RELN: variants seen among roughly 807,000 people sequenced by gnomAD.
RELN encodes the protein reelin.
Under a neutral mutation model 427.6 loss-of-function variants are expected in RELN, and 108 were observed. That is an observed-to-expected ratio of 0.25 (90% confidence interval 0.22 to 0.30). The LOEUF is 0.30. Ranked by LOEUF, RELN falls within the 10% of genes least tolerant of loss-of-function variation. The probability of loss-of-function intolerance (pLI) is 1.00; values close to 1 mark genes in which losing one functional copy is unlikely to be tolerated. For synonymous variants in RELN, 1,524 were observed against 1,513.4 expected, an observed-to-expected ratio of 1.01 and a Z score of -0.16; for missense variants, 3,715 against 4,302.8, an observed-to-expected ratio of 0.86 and a Z score of 3.82.
chr7:103,774,114 G>A (rs1791675881), intron 4 of RELN, among the ~76,000 whole-genome samples: 1 of 151,862 alleles, frequency 6.6e-6, no homozygotes, highest in Admixed American at 6.6e-5. Context: ...TGGCCAACAT[G>A]GTGAAACCTC....
chr7:103,493,349 C>G (rs74341796), intron 57 of RELN, among the ~76,000 whole-genome samples: 1,875 of 152,210 alleles, frequency 0.012, 62 homozygotes, highest in Admixed American at 0.055. Context: ...AAGCTAGTTA[C>G]TAGGTGATTG....
At chr7:103,838,498 C>G (rs1185252379) in intron 2 of RELN, among the ~76,000 whole-genome samples, 1 of 152,028 alleles carries the variant, frequency 6.6e-6, no homozygotes, top group Admixed American at 6.6e-5. Flanking sequence ...AATCATCAAG[C>G]CAGAGAAATC....
At chr7:103,800,110 C>G (rs1792409396) in intron 3 of RELN, among the ~76,000 whole-genome samples, 1 of 152,162 alleles carries the variant, frequency 6.6e-6, no homozygotes, top group Non-Finnish European at 1.5e-5. Context: ...CACCCCTATT[C>G]AACACAGTGT....
At chr7:103,938,724 C>A (rs1412026153) in intron 1 of RELN, among the ~76,000 whole-genome samples, 1 of 152,140 alleles carries the variant, frequency 6.6e-6, no homozygotes, top group Non-Finnish European at 1.5e-5. Flanking sequence ...CACATTAGGA[C>A]CTCAGTCATC....
At position 103,652,642 on chromosome 7, in the gene RELN, A is replaced by G; in HGVS notation, c.1672T>C (p.Phe558Leu). Residue 558 changes from phenylalanine to leucine, a missense_variant, in exon 14 of 65, where the codon TTC (phenylalanine) becomes CTC (leucine). Physicochemically the swap from Phe to Leu is conservative, Grantham distance 22. This residue lies in a region of RELN where 2,208 missense variants were observed against 2,361.7 expected (regional missense o/e 0.93). Coordinates refer to ENST00000428762, the MANE Select transcript of RELN (RefSeq NM_005045.4). ...HNRNVWAVDF[F>L]HVLPVLPSTM... ...GAAGGGAGAACAGGCAAGACATGGA[A>G]AAAGTCTACAGCCCAGACATTCCTA... The G allele has an allele frequency of 6.2e-7, 1 of 1,613,008 alleles. No individual in the cohort carries two copies. Among genetic ancestry groups the G allele is most frequent in the Non-Finnish European group, 8.5e-7 (1 of 1,179,314 alleles).
At chr7:103,711,000 C>T (rs187401879) in intron 8 of RELN, among the ~76,000 whole-genome samples, 123 of 152,210 alleles carry the variant, frequency 8.1e-4, no homozygotes, top group African/African-American at 2.6e-3. Flanking sequence ...GCCGAGAGCA[C>T]GCCACTGTAC....
chr7:103,775,528 C>T (rs1791716375), intron 4 of RELN, among the ~76,000 whole-genome samples: 1 of 152,026 alleles, frequency 6.6e-6, no homozygotes, highest in African/African-American at 2.4e-5. Flanking sequence ...CTTGAAAGCC[C>T]ATCAGATATT....
At chr7:103,954,215 G>A (rs569617246) in intron 1 of RELN, among the ~76,000 whole-genome samples, 8 of 152,264 alleles carry the variant, frequency 5.3e-5, no homozygotes, top group South Asian at 2.1e-4. Context: ...AGCCGAGATC[G>A]CACCATTGCA....
At chr7:103,654,054 C>G (rs771896639) in intron 13 of RELN, 39 bp downstream of exon 13, 83 of 1,184,044 alleles carry the variant, frequency 7.0e-5, no homozygotes, top group Non-Finnish European at 9.9e-5. Flanking sequence ...CCAGGGTGGT[C>G]TGAGGTGGTC....
rs553849101 is a variant in RELN at position 103,870,652 on chromosome 7, G to A, written c.338-36980C>T. Reference sequence around the variant, plus strand: ...GCTAGATGCCCAGAGGTGTTTTCAAGGTACTAACCTAATCTTTTCACTTTG... The same window carrying A: ...GCTAGATGCCCAGAGGTGTTTTCAAAGTACTAACCTAATCTTTTCACTTTG... On this transcript the variant is annotated intron_variant, in intron 2 of 64. Coordinates refer to ENST00000428762, the MANE Select transcript of RELN (RefSeq NM_005045.4). 6.6e-5 allele frequency among the ~76,000 whole-genome samples: 10 copies of A among 152,184 alleles called. No homozygotes were observed. The South Asian group carries it at 2.1e-3, about 32-fold the overall frequency.
At chr7:103,513,416 TTTAAA>T (rs1365278656) in intron 50 of RELN, 1 of 152,212 alleles carries the variant, frequency 6.6e-6, no homozygotes, top group African/African-American at 2.4e-5. Context: ...GGAAGCAGTG[TTTAAA>T]TTATTCTCTG....
chr7:103,873,145 C>A (rs1323293937), intron 2 of RELN, among the ~76,000 whole-genome samples: 1 of 150,672 alleles, frequency 6.6e-6, no homozygotes, highest in Non-Finnish European at 1.5e-5. Flanking sequence ...TAAAGATGTT[C>A]TTTGAAACCA....
Position 103,510,605 on chromosome 7 carries a change from G to A in RELN, c.8274+246C>T, listed in dbSNP as rs113089995. Among the ~76,000 whole-genome samples, 9,965 of 152,014 alleles carry A rather than the reference G, an allele frequency of 0.066. 1,122 individuals are homozygous for A. Among genetic ancestry groups the A allele is most frequent in the African/African-American group, 0.23 (9,432 of 41,410 alleles). ...TGTAACAAACCTGCATGTTCTGCAC[G>A]TGTATCCCAAAACTTAAAGTATAAT... On this transcript the variant is annotated intron_variant, in intron 51 of 64. Coordinates refer to ENST00000428762, the MANE Select transcript of RELN (RefSeq NM_005045.4).
intron 8 of RELN, among the ~76,000 whole-genome samples, chr7:103,708,848 C>G (rs3735631): frequency 0.25 from 38,204 of 151,902 alleles, 7,355 homozygotes; most frequent in African/African-American, 0.54. Flanking sequence ...CTGGCCACCT[C>G]TAATAAAATG....
At position 103,651,762 on chromosome 7, in the gene RELN, A is replaced by C. The variant is rs960746647; in HGVS notation, c.1791T>G (p.His597Gln). ...NSVSLEFSTN[H>Q]GRSWSLLHTE... ...TGTGAAGGAGGGACCAGGAGCGCCC[A>C]TGGTTGGTAGAAAATTCCAAGCTGA... Residue 597 changes from histidine (H) to glutamine (Q), a missense_variant, in exon 15 of 65, where the codon CAT becomes CAG. Physicochemically the swap from His to Gln is conservative, Grantham distance 24. Coordinates refer to ENST00000428762, the MANE Select transcript of RELN (RefSeq NM_005045.4). The C allele has an allele frequency of 1.2e-6, 2 of 1,611,880 alleles. No individual in the cohort carries two copies. Among genetic ancestry groups the C allele is most frequent in the African/African-American group, 2.7e-5 (2 of 74,912 alleles).
intron 10 of RELN, 79 bp downstream of exon 10, chr7:103,697,774 A>G (rs1834007966): frequency 6.3e-7 from 1 of 1,599,324 alleles, no homozygotes. Flanking sequence ...CTATCTTTAT[A>G]CAATTTGGTT....
At chr7:103,481,161 C>G (rs1330639463) in intron 63 of RELN, among the ~76,000 whole-genome samples, 1 of 152,136 alleles carries the variant, frequency 6.6e-6, no homozygotes, top group African/African-American at 2.4e-5. Context: ...CTCTGAACCC[C>G]TCGCCCCTGC....
intron 29 of RELN, 122 bp from the exon 30 acceptor site, chr7:103,574,421 G>T: frequency 2.4e-6 from 2 of 820,266 alleles, no homozygotes; most frequent in South Asian, 2.9e-5. Context: ...GAGGCCACAT[G>T]AAAATTTGTA....
chr7:103,944,022 T>G (rs1046516962), intron 1 of RELN, among the ~76,000 whole-genome samples: 3 of 151,982 alleles, frequency 2.0e-5, no homozygotes, highest in Non-Finnish European at 4.4e-5. Context: ...CTCTAGAGAT[T>G]TGATGGCTAT....
Sources: allele counts gnomAD v4.1 joint callset (sites outside exome capture counted in the v4.1 genomes callset), GRCh38; gene constraint gnomAD v4.1.1; regional missense constraint gnomAD v4.1.1; transcripts MANE v1.5; gene names NCBI Gene and HGNC (gene_info 2026-07-23, HGNC 2026-07-21).